The following TLE1 variants were observed in gnomAD, a reference collection of about 807,000 sequenced individuals.
The protein encoded by TLE1 is TLE family member 1, transcriptional corepressor.
TLE1 carries 21 observed loss-of-function variants against 89.8 expected under a neutral mutation model. The ratio of observed to expected loss-of-function variants is 0.23; its 90% CI spans 0.17 to 0.34. The LOEUF (loss-of-function observed/expected upper bound fraction) is 0.34, where lower values mean the gene tolerates loss of function less well. Among genes scored for constraint, TLE1 ranks in the 10% least tolerant of loss-of-function variants. The pLI is 1.00. For synonymous variants in TLE1, 447 were observed against 407.6 expected, an observed-to-expected ratio of 1.10 and a Z score of -1.16; for missense variants, 795 against 1,031.2, an observed-to-expected ratio of 0.77 and a Z score of 3.14.
chr9:81,672,151 T>C (rs1024599799), intron 4 of TLE1, among the ~76,000 whole-genome samples: 9 of 152,246 alleles, frequency 5.9e-5, no homozygotes, highest in Admixed American at 3.3e-4. Flanking sequence ...CTTTGGAGCT[T>C]GTTTGAGAGC....
At chr9:81,656,128 G>T (rs117118923) in intron 4 of TLE1, among the ~76,000 whole-genome samples, 1 of 152,094 alleles carries the variant, frequency 6.6e-6, no homozygotes, top group African/African-American at 2.4e-5. Flanking sequence ...TTTAGCCAGC[G>T]AGGCAGATAT....
rs770732902 is a variant in TLE1 at position 81,584,148 on chromosome 9, C to A, written c.*50G>T. 1 of 1,481,546 alleles carries A rather than the reference C, an allele frequency of 6.7e-7. No individual in the cohort carries two copies. Among genetic ancestry groups the A allele is most frequent in the Non-Finnish European group, 9.4e-7 (1 of 1,064,158 alleles). The allele number at this position is 1,481,546 out of a possible 1,614,324, so 91.8% of individuals were successfully genotyped here. On this transcript the variant is annotated 3_prime_UTR_variant, in exon 20 of 20. Coordinates refer to ENST00000376499, the MANE Select transcript of TLE1 (RefSeq NM_005077.5). ...TACAACTTTTCTATTTCTATAAATT[C>A]GAAACATTTTGGCCCAATTCAACTA...
intron 2 of TLE1, among the ~76,000 whole-genome samples, 199 bp downstream of exon 2, chr9:81,687,135 T>A (rs1486571591): frequency 6.6e-6 from 1 of 151,552 alleles, no homozygotes; most frequent in African/African-American, 2.4e-5. Flanking sequence ...AGGGAAACAA[T>A]GGGAGGAGGA....
intron 14 of TLE1, among the ~76,000 whole-genome samples, chr9:81,602,408 T>G (rs921091332): frequency 3.9e-5 from 6 of 152,152 alleles, no homozygotes; most frequent in African/African-American, 1.4e-4. Context: ...TATACATAAA[T>G]GAGTCATCTT....
intron 6 of TLE1, among the ~76,000 whole-genome samples, chr9:81,645,000 CAAAAA>C (rs150421441): frequency 1.5e-5 from 1 of 64,906 alleles, no homozygotes; most frequent in Non-Finnish European, 2.7e-5. Flanking sequence ...GACACTGTCT[CAAAAA>C]AAAAAAAAAA....
At chr9:81,600,011 A>G in intron 14 of TLE1, 1 of 666,712 alleles carries the variant, frequency 1.5e-6, no homozygotes, top group Non-Finnish European at 2.8e-6. Flanking sequence ...ATGAGGAAGT[A>G]TTCCAGCCAA....
chr9:81,592,483 C>G (rs145015171), intron 15 of TLE1, among the ~76,000 whole-genome samples: 277 of 152,332 alleles, frequency 1.8e-3, no homozygotes, highest in African/African-American at 6.2e-3. Context: ...ATTCTCACTG[C>G]TCTCTTTCGT....
At chr9:81,603,265 C>T (rs188379036) in intron 14 of TLE1, among the ~76,000 whole-genome samples, 29 of 152,280 alleles carry the variant, frequency 1.9e-4, no homozygotes, top group South Asian at 1.5e-3. Context: ...GTAATAGCTC[C>T]GTGGTAGCCT....
chr9:81,667,501 A>C (rs1054910134), intron 4 of TLE1, among the ~76,000 whole-genome samples: 1 of 152,102 alleles, frequency 6.6e-6, no homozygotes, highest in African/African-American at 2.4e-5. Flanking sequence ...CACATGGGCC[A>C]TGCTACAGCT....
In TLE1 at chr9:81,680,999, T is replaced by C. The variant is rs188702065; in HGVS notation, c.234+4677A>G. On this transcript the variant is annotated intron_variant, in intron 4 of 19. Coordinates refer to ENST00000376499, the MANE Select transcript of TLE1 (RefSeq NM_005077.5). ...AGTAAAAGAATCACATCTAAGGAAATATCCCACAGGTGAGTCCCTAACAGT... is the reference window on the plus strand; with the variant it reads ...AGTAAAAGAATCACATCTAAGGAAACATCCCACAGGTGAGTCCCTAACAGT... 9.4e-4 allele frequency among the ~76,000 whole-genome samples: 141 copies of C among 150,516 alleles called. 2 individuals carry two copies. The highest frequency in any genetic ancestry group is 1.5e-3 in the Non-Finnish European group (99 of 67,722).
intron 8 of TLE1, among the ~76,000 whole-genome samples, chr9:81,628,927 G>A (rs544603125): frequency 6.6e-6 from 1 of 152,030 alleles, no homozygotes; most frequent in Non-Finnish European, 1.5e-5. Flanking sequence ...AAAAGAGCAC[G>A]GACCCACCCA....
chr9:81,679,415 A>C (rs1459314464), intron 4 of TLE1, among the ~76,000 whole-genome samples: 1 of 152,166 alleles, frequency 6.6e-6, no homozygotes, highest in African/African-American at 2.4e-5. Flanking sequence ...TTGTTAAATC[A>C]GGTGAATGGC....
At chr9:81,592,506 C>T (rs1829689586) in intron 15 of TLE1, among the ~76,000 whole-genome samples, 3 of 152,164 alleles carry the variant, frequency 2.0e-5, no homozygotes, top group Non-Finnish European at 2.9e-5. Context: ...ATGGCTGCCC[C>T]GGGTCTTTGC....
intron 14 of TLE1, among the ~76,000 whole-genome samples, chr9:81,602,121 A>G (rs2131948811): frequency 6.6e-6 from 1 of 152,304 alleles, no homozygotes; most frequent in Admixed American, 6.5e-5. Flanking sequence ...GCTTTGAAGG[A>G]CAGAAAATAC....
intron 1 of TLE1, 37 bp downstream of exon 1, chr9:81,688,180 G>A (rs769590187): frequency 5.6e-6 from 9 of 1,600,528 alleles, no homozygotes; most frequent in Non-Finnish European, 7.7e-6. Flanking sequence ...CCTCCCCAAC[G>A]ATCCTGGCCC....
At chr9:81,687,084 G>A (rs888129057) in intron 2 of TLE1, among the ~76,000 whole-genome samples, 5 of 152,168 alleles carry the variant, frequency 3.3e-5, no homozygotes, top group Admixed American at 6.5e-5. Flanking sequence ...AACTCCTAAA[G>A]ACATGAAAAA....
At chr9:81,601,418 G>C (rs1830910349) in intron 14 of TLE1, among the ~76,000 whole-genome samples, 1 of 152,124 alleles carries the variant, frequency 6.6e-6, no homozygotes, top group African/African-American at 2.4e-5. Context: ...CAAGTGGGTA[G>C]AAGATTTCTA....
chr9:81,600,090 C>G (rs1387922156), intron 14 of TLE1: 1 of 743,792 alleles, frequency 1.3e-6, no homozygotes, highest in Admixed American at 1.9e-5. Context: ...CCAAACTTCT[C>G]AATGTGCTGG....
At position 81,634,263 on chromosome 9, in the gene TLE1, G is replaced by A. The variant is rs41296045; in HGVS notation, c.411C>T (p.His137=). ...GAGGCGTAAGGGGAACTGGGGGTCC[G>A]TGGCCATGAGAAAGATGCTGAGCTT... ...QLQAQHLSHG[H]GPPVPLTPHP... is the part of the protein sequence containing the mutation. Residue 137 remains histidine (H), a synonymous_variant, in exon 7 of 20, where the codon CAC becomes CAT. Coordinates refer to ENST00000376499, the MANE Select transcript of TLE1 (RefSeq NM_005077.5). 111 of 1,556,174 alleles carry A rather than the reference G, an allele frequency of 7.1e-5. No homozygotes were observed. The highest frequency in any genetic ancestry group is 9.1e-5 in the Non-Finnish European group (104 of 1,145,046).
Sources: allele counts gnomAD v4.1 joint callset (sites outside exome capture counted in the v4.1 genomes callset), GRCh38; gene constraint gnomAD v4.1.1; transcripts MANE v1.5; gene names NCBI Gene and HGNC (gene_info 2026-07-23, HGNC 2026-07-21).